Variants in ZNF385D observed in about 807,000 individuals in gnomAD.
The protein encoded by ZNF385D is zinc finger protein 385D.
A neutral mutation model predicts 35.8 loss-of-function variants in ZNF385D; 15 were observed. That is an observed-to-expected ratio of 0.42 (90% CI 0.28 to 0.64). The LOEUF (loss-of-function observed/expected upper bound fraction) is 0.64. ZNF385D is among the 30% of genes least tolerant of loss of function. ZNF385D has a pLI of 0.23. For synonymous variants in ZNF385D, 212 were observed against 186.8 expected, an observed-to-expected ratio of 1.13 and a Z score of -1.10; for missense variants, 474 against 494.6, an observed-to-expected ratio of 0.96 and a Z score of 0.39.
intron 3 of ZNF385D, among the ~76,000 whole-genome samples, chr3:21,804,514 G>T (rs977544394): frequency 2.6e-5 from 4 of 152,100 alleles, no homozygotes; most frequent in Admixed American, 2.6e-4. Flanking sequence ...CAGAGGGAGT[G>T]ATATTTCTTT....
chr3:22,163,079 G>C (rs1230375058), intron 3 of ZNF385D, among the ~76,000 whole-genome samples: 1 of 152,162 alleles, frequency 6.6e-6, no homozygotes, highest in Non-Finnish European at 1.5e-5. Flanking sequence ...GAGGCAAGGA[G>C]CTGGGACTTT....
At position 21,888,833 on chromosome 3, in the gene ZNF385D, A is replaced by T. The variant is rs189470679; in HGVS notation, c.326-223805T>A. Among the ~76,000 whole-genome samples, 33 of 152,350 alleles carry T rather than the reference A, an allele frequency of 2.2e-4. No individual in the cohort carries two copies. The East Asian group carries it at 6.4e-3, about 29-fold the overall frequency. ...CTGTTCATCTAAGTTGAGGTTGCCA[A>T]GGTGACGGCAGAGGGCCAAGTCTGT... On this transcript the variant is annotated intron_variant, in intron 3 of 5. Transcript: ENST00000494108.
chr3:21,982,430 C>A (rs1694523520), intron 3 of ZNF385D, among the ~76,000 whole-genome samples: 2 of 152,138 alleles, frequency 1.3e-5, no homozygotes, highest in South Asian at 4.1e-4. Flanking sequence ...TGTGCATTGA[C>A]TTTGTATCCT....
upstream of ZNF385D, chr3:21,751,393 G>GA: frequency 9.9e-7 from 1 of 1,009,046 alleles, no homozygotes; most frequent in Non-Finnish European, 1.2e-6. Flanking sequence ...CGAGAAGAGT[G>GA]TCGGGATCCA....
chr3:21,518,779 A>T (rs893667447), intron 3 of ZNF385D, among the ~76,000 whole-genome samples: 5 of 152,204 alleles, frequency 3.3e-5, no homozygotes, highest in Non-Finnish European at 5.9e-5. Flanking sequence ...GAAGAAATTT[A>T]AAGATAGAAT....
intron 3 of ZNF385D, among the ~76,000 whole-genome samples, chr3:22,075,926 T>A (rs991987598): frequency 6.6e-6 from 1 of 151,892 alleles, no homozygotes; most frequent in African/African-American, 2.4e-5. Flanking sequence ...TGGATGTCAA[T>A]CTCCGAATGT....
chr3:21,441,357 T>C (rs1384947045), intron 4 of ZNF385D, among the ~76,000 whole-genome samples: 3 of 152,104 alleles, frequency 2.0e-5, no homozygotes, highest in African/African-American at 7.2e-5. Flanking sequence ...GCAACAAAAC[T>C]GAGGTATGGA....
At chr3:21,847,800 C>T (rs1487890878) in intron 3 of ZNF385D, among the ~76,000 whole-genome samples, 1 of 151,984 alleles carries the variant, frequency 6.6e-6, no homozygotes, top group Non-Finnish European at 1.5e-5. Context: ...CATATCCTGA[C>T]ATTTGGCAGC....
chr3:22,329,358 T>A (rs1201835443), intron 2 of ZNF385D, among the ~76,000 whole-genome samples: 1 of 152,202 alleles, frequency 6.6e-6, no homozygotes, highest in Non-Finnish European at 1.5e-5. Context: ...CCATTTTCTG[T>A]GATCTCCAGA....
chr3:21,819,804 A>T (rs1559655930), intron 3 of ZNF385D, among the ~76,000 whole-genome samples: 1 of 143,804 alleles, frequency 7.0e-6, no homozygotes, highest in African/African-American at 2.5e-5. Context: ...ATATATACAT[A>T]AATATAATAT....
chr3:21,813,726 T>C (rs930378269), intron 3 of ZNF385D, among the ~76,000 whole-genome samples: 6 of 152,164 alleles, frequency 3.9e-5, no homozygotes, highest in African/African-American at 2.4e-5. Context: ...CTACGTCTGA[T>C]TGGTGTACCT....
intron 2 of ZNF385D, among the ~76,000 whole-genome samples, chr3:21,600,170 GAAAT>G (rs1182513216): frequency 1.3e-5 from 2 of 152,148 alleles, no homozygotes; most frequent in African/African-American, 4.8e-5. Flanking sequence ...GCATAATAAA[GAAAT>G]AACCATAAAA....
chr3:22,216,149 T>C (rs80255279), intron 2 of ZNF385D, among the ~76,000 whole-genome samples: 11,153 of 152,106 alleles, frequency 0.073, 723 homozygotes, highest in East Asian at 0.28. Flanking sequence ...CTGAAACAGA[T>C]ATTTCAGGAA....
intron 1 of ZNF385D, among the ~76,000 whole-genome samples, chr3:21,670,958 G>A (rs144354267): frequency 6.6e-6 from 1 of 151,904 alleles, no homozygotes; most frequent in Admixed American, 6.6e-5. Flanking sequence ...GGGAGAATAC[G>A]CAGTGAAGGT....
chr3:21,913,727 T>C (rs1326422175), intron 3 of ZNF385D, among the ~76,000 whole-genome samples: 1 of 152,254 alleles, frequency 6.6e-6, no homozygotes, highest in African/African-American at 2.4e-5. Flanking sequence ...AAAGAGAGAT[T>C]AGAACTCTTA....
intron 3 of ZNF385D, among the ~76,000 whole-genome samples, chr3:21,770,468 G>C (rs1384369786): frequency 6.6e-6 from 1 of 152,130 alleles, no homozygotes; most frequent in Admixed American, 6.5e-5. Context: ...CATTTATGCA[G>C]CCAAAAGACA....
chr3:21,911,879 A>G (rs982635482), intron 3 of ZNF385D, among the ~76,000 whole-genome samples: 3 of 151,918 alleles, frequency 2.0e-5, no homozygotes, highest in African/African-American at 7.2e-5. Flanking sequence ...ACTTTTGTTA[A>G]ATTTCCTAGA....
At chr3:21,971,792 G>A (rs1703275837) in intron 3 of ZNF385D, among the ~76,000 whole-genome samples, 1 of 151,596 alleles carries the variant, frequency 6.6e-6, no homozygotes, top group Non-Finnish European at 1.5e-5. Context: ...GCCACTGAAA[G>A]CCAAAAAAGA....
chr3:21,475,798 T>G (rs1043186869), intron 4 of ZNF385D, among the ~76,000 whole-genome samples: 1 of 152,160 alleles, frequency 6.6e-6, no homozygotes, highest in Non-Finnish European at 1.5e-5. Context: ...TATAGACACT[T>G]AAATTTTGAG....
Sources: gnomAD v4.1 joint callset for allele counts (sites outside exome capture counted in the v4.1 genomes callset) on GRCh38, gnomAD v4.1.1 for gene constraint, MANE v1.5 for transcripts, NCBI Gene and HGNC (gene_info 2026-07-23, HGNC 2026-07-21) for gene names.